Variants in UNC79 observed in about 807,000 individuals in gnomAD.
The protein encoded by UNC79 is protein unc-79 homolog.
UNC79 carries 37 observed loss-of-function variants against 283.1 expected under a neutral mutation model. The observed-to-expected ratio is 0.13, with a 90% CI of 0.10 to 0.17. UNC79 has a LOEUF of 0.17. Ranked by LOEUF, UNC79 falls within the 10% of genes least tolerant of loss-of-function variation. UNC79 has a pLI of 1.00. For synonymous variants in UNC79, 1,107 were observed against 1,200.2 expected (o/e 0.92, Z 1.61); for missense variants, 2,272 against 3,211.1 (o/e 0.71, Z 7.07).
chr14:93,543,004 C>T (rs184583427), intron 14 of UNC79, among the ~76,000 whole-genome samples: 55 of 151,014 alleles, frequency 3.6e-4, no homozygotes, highest in East Asian at 1.4e-3. Flanking sequence ...CCAGGCTGGC[C>T]GCCTTGAACT....
chr14:93,703,402 C>T (rs2075670641), intron 47 of UNC79, among the ~76,000 whole-genome samples: 1 of 152,152 alleles, frequency 6.6e-6, no homozygotes, highest in African/African-American at 2.4e-5. Flanking sequence ...TGGTGGTTTG[C>T]TGGGTCTTTG....
At chr14:93,363,162 A>G (rs1451617847) in intron 1 of UNC79, among the ~76,000 whole-genome samples, 1 of 152,078 alleles carries the variant, frequency 6.6e-6, no homozygotes, top group Non-Finnish European at 1.5e-5. Flanking sequence ...AGTATGTTGT[A>G]TCTTTGTTTT....
chr14:93,530,505 G>T (rs1433424122), intron 10 of UNC79, among the ~76,000 whole-genome samples: 1 of 152,204 alleles, frequency 6.6e-6, no homozygotes, highest in Non-Finnish European at 1.5e-5. Context: ...CCAGCTACTT[G>T]AGAGTCTGAT....
At chr14:93,516,093 G>GT (rs2060040144) in intron 7 of UNC79, among the ~76,000 whole-genome samples, 1 of 151,912 alleles carries the variant, frequency 6.6e-6, no homozygotes, top group Non-Finnish European at 1.5e-5. Context: ...GTTGAAAAGA[G>GT]TATCTTTTCC....
At chr14:93,573,078 A>G (rs117158635) in intron 16 of UNC79, among the ~76,000 whole-genome samples, 3,508 of 152,310 alleles carry the variant, frequency 0.023, 65 homozygotes, top group Non-Finnish European at 0.037. Context: ...GTATTTTTCC[A>G]TCAATAGCTA....
At chr14:93,455,238 A>G (rs1401009889) in intron 1 of UNC79, among the ~76,000 whole-genome samples, 2 of 152,236 alleles carry the variant, frequency 1.3e-5, no homozygotes, top group African/African-American at 4.8e-5. Flanking sequence ...GCTTTCAGTT[A>G]AAGAAGATGA....
At chr14:93,515,690 T>C (rs2060021362) in intron 7 of UNC79, among the ~76,000 whole-genome samples, 1 of 152,098 alleles carries the variant, frequency 6.6e-6, no homozygotes, top group Non-Finnish European at 1.5e-5. Flanking sequence ...CCTTTGTGTG[T>C]ATATGTGAAG....
chr14:93,405,140 G>C (rs2055200574), intron 1 of UNC79, among the ~76,000 whole-genome samples: 1 of 151,872 alleles, frequency 6.6e-6, no homozygotes, highest in Non-Finnish European at 1.5e-5. Flanking sequence ...AAAATTAGCT[G>C]CGTGTGGTGG....
chr14:93,680,671 A>G (rs1252226931), intron 41 of UNC79, among the ~76,000 whole-genome samples: 1 of 151,948 alleles, frequency 6.6e-6, no homozygotes, highest in Non-Finnish European at 1.5e-5. Flanking sequence ...GCTCACTGCA[A>G]CCTCTGCCCC....
intron 29 of UNC79, among the ~76,000 whole-genome samples, chr14:93,620,101 A>C (rs1349900868): frequency 6.6e-6 from 1 of 152,262 alleles, no homozygotes; most frequent in East Asian, 1.9e-4. Flanking sequence ...ACAGGCACTC[A>C]AAGTGACCGG....
At chr14:93,461,578 A>T (rs978102859) in intron 1 of UNC79, among the ~76,000 whole-genome samples, 5 of 152,212 alleles carry the variant, frequency 3.3e-5, no homozygotes, top group African/African-American at 1.2e-4. Context: ...GAACTGCTGT[A>T]AAAAGCCATT....
chr14:93,358,254 G>A (rs1214529739), intron 1 of UNC79, among the ~76,000 whole-genome samples: 1 of 152,092 alleles, frequency 6.6e-6, no homozygotes, highest in African/African-American at 2.4e-5. Flanking sequence ...AAGGAGTTTA[G>A]TGACTCTATA....
intron 42 of UNC79, 23 bp downstream of exon 45, chr14:93,682,717 G>T (rs1179648845): frequency 6.2e-7 from 1 of 1,606,272 alleles, no homozygotes; most frequent in East Asian, 2.2e-5. Context: ...CAAATTCATT[G>T]TCTACATACT....
intron 1 of UNC79, among the ~76,000 whole-genome samples, chr14:93,386,371 G>C (rs1185175195): frequency 1.3e-5 from 2 of 152,122 alleles, no homozygotes; most frequent in East Asian, 3.8e-4. Context: ...AATTTGGTTT[G>C]CTAGCATTTT....
At chr14:93,597,642 C>A (rs1170387715) in intron 24 of UNC79, 102 bp downstream of exon 24, 31 of 1,257,660 alleles carry the variant, frequency 2.5e-5, no homozygotes, top group Non-Finnish European at 2.9e-5. Flanking sequence ...CCTGCTATAA[C>A]AGAATACCAT....
At chr14:93,341,412 G>A (rs566556393) in intron 1 of UNC79, among the ~76,000 whole-genome samples, 22 of 151,902 alleles carry the variant, frequency 1.4e-4, no homozygotes, top group South Asian at 4.2e-4. Flanking sequence ...AGCTGAGATC[G>A]CACCACTGTA....
intron 14 of UNC79, among the ~76,000 whole-genome samples, chr14:93,564,507 A>C (rs935921352): frequency 2.0e-5 from 3 of 152,222 alleles, no homozygotes; most frequent in African/African-American, 7.2e-5. Flanking sequence ...TAAACGTTGA[A>C]GGAGCAGGAG....
chr14:93,473,677 T>C (rs1405773039), intron 2 of UNC79, among the ~76,000 whole-genome samples: 1 of 152,212 alleles, frequency 6.6e-6, no homozygotes, highest in African/African-American at 2.4e-5. Flanking sequence ...GAAGACAGTC[T>C]TGCTGAAAAT....
At chr14:93,350,309 AAG>A (rs928313261) in intron 1 of UNC79, among the ~76,000 whole-genome samples, 5 of 152,130 alleles carry the variant, frequency 3.3e-5, no homozygotes, top group Non-Finnish European at 4.4e-5. Flanking sequence ...TAGGAAGTAA[AAG>A]AGATGTGAGA....
Sources: gnomAD v4.1 joint callset for allele counts (sites outside exome capture counted in the v4.1 genomes callset) on GRCh38, gnomAD v4.1.1 for gene constraint, MANE v1.5 for transcripts, NCBI Gene and HGNC (gene_info 2026-07-23, HGNC 2026-07-21) for gene names.